The following MYOM1 variants were observed in gnomAD, a reference collection of about 807,000 sequenced individuals.
The protein encoded by MYOM1 is myomesin-1.
In MYOM1, 164 loss-of-function variants were observed where a neutral mutation model predicts 205.3. That is an observed-to-expected ratio of 0.80 (90% CI 0.70 to 0.91). The LOEUF is 0.91. MYOM1 is among the 40% of genes least tolerant of loss of function. The pLI is 0.00. For missense variants in MYOM1, 2,011 were observed against 2,127.3 expected (o/e 0.95, Z 1.08); for synonymous variants, 772 against 789.4 (o/e 0.98, Z 0.37).
chr18:3,193,755 A>G (rs997831152), intron 3 of MYOM1, 63 bp downstream of exon 3: 1 of 1,491,634 alleles, frequency 6.7e-7, no homozygotes, highest in Non-Finnish European at 9.1e-7. Context: ...ATAATCTGCC[A>G]TTCCTATAGC....
At chr18:3,071,971 T>C (rs2078963417) in intron 36 of MYOM1, 82 bp from the exon 37 acceptor site, 2 of 1,240,722 alleles carry the variant, frequency 1.6e-6, no homozygotes, top group East Asian at 2.5e-5. Context: ...GGAAGCTACA[T>C]TTCCAATTTA....
the MYOM1 span, chr18:3,247,340 C>A: frequency 2.0e-5 from 3 of 152,332 alleles, no homozygotes; most frequent in East Asian, 1.9e-4. Flanking sequence ...CAGGCGGAGA[C>A]CCAGACCCCG....
intron 2 of MYOM1, among the ~76,000 whole-genome samples, chr18:3,202,030 A>C (rs551536713): frequency 6.6e-6 from 1 of 152,324 alleles, no homozygotes; most frequent in Non-Finnish European, 1.5e-5. Flanking sequence ...TAGTTGTAAT[A>C]TACTTGACAA....
intron 2 of MYOM1, among the ~76,000 whole-genome samples, chr18:3,211,676 G>A (rs1286309505): frequency 6.6e-6 from 1 of 152,140 alleles, no homozygotes; most frequent in Non-Finnish European, 1.5e-5. Context: ...GGCATTTAGA[G>A]TAAGCCATCC....
the MYOM1 span, among the ~76,000 whole-genome samples, chr18:3,237,131 T>C: frequency 0.14 from 21,779 of 151,944 alleles, 2,321 homozygotes; most frequent in African/African-American, 0.3. Flanking sequence ...AAAGGATCAC[T>C]GAGAAAGAAA....
At chr18:3,072,675 C>A (rs1180764791) in intron 36 of MYOM1, among the ~76,000 whole-genome samples, 1 of 146,414 alleles carries the variant, frequency 6.8e-6, no homozygotes, top group African/African-American at 2.7e-5. Flanking sequence ...TTTAATCCTT[C>A]TTCACCGTCA....
intron 8 of MYOM1, 26 bp from the exon 9 acceptor site, chr18:3,169,007 G>A (rs1439052592): frequency 1.3e-6 from 2 of 1,568,296 alleles, no homozygotes; most frequent in African/African-American, 2.8e-5. Flanking sequence ...ACAAATATCA[G>A]TAATTTTTTT....
chr18:3,107,180 C>T (rs565314820), intron 22 of MYOM1, among the ~76,000 whole-genome samples: 2 of 152,220 alleles, frequency 1.3e-5, no homozygotes, highest in Admixed American at 6.5e-5. Flanking sequence ...TGCAGTGGCA[C>T]GATCTCGGCT....
At chr18:3,173,204 T>C (rs1341488239) in intron 8 of MYOM1, among the ~76,000 whole-genome samples, 1 of 152,254 alleles carries the variant, frequency 6.6e-6, no homozygotes, top group Non-Finnish European at 1.5e-5. Flanking sequence ...ATTCACAAAT[T>C]TGTAAATTAC....
intron 5 of MYOM1, among the ~76,000 whole-genome samples, chr18:3,180,213 T>C (rs925453701): frequency 2.2e-4 from 33 of 152,208 alleles, no homozygotes; most frequent in African/African-American, 7.7e-4. Context: ...TTTCCATTAC[T>C]ACTCAATTTA....
chr18:3,190,097 T>TTGA (rs138151704), intron 3 of MYOM1, among the ~76,000 whole-genome samples: 13,781 of 152,252 alleles, frequency 0.091, 896 homozygotes, highest in African/African-American at 0.19. Context: ...TTATTCATAA[T>TTGA]TGACAATAGT....
At chr18:3,188,461 A>AAAAAACAAAC (rs1555628404) in intron 4 of MYOM1, among the ~76,000 whole-genome samples, 7 of 150,712 alleles carry the variant, frequency 4.6e-5, no homozygotes, top group South Asian at 2.1e-4. Flanking sequence ...TACCAGAAAA[A>AAAAAACAAAC]AAAAAACAAC....
At chr18:3,096,047 C>A (rs554008298) in intron 25 of MYOM1, among the ~76,000 whole-genome samples, 219 of 152,284 alleles carry the variant, frequency 1.4e-3, no homozygotes, top group Non-Finnish European at 2.7e-3. Flanking sequence ...GTCTCCAGCT[C>A]CCTTAATGTT....
chr18:3,135,481 T>C lies in MYOM1; in HGVS notation c.2209+66A>G. 1 of 1,431,950 alleles carries C rather than the reference T, an allele frequency of 7.0e-7. No individual in the cohort carries two copies. The highest frequency in any genetic ancestry group is 9.4e-7 in the Non-Finnish European group (1 of 1,064,266). 88.7% of individuals were successfully genotyped at this position (1,431,950 alleles called of 1,614,324 possible). A position where few individuals can be genotyped will look rare whatever the true frequency, so the allele number is the denominator to read the frequency against. On this transcript the variant is annotated intron_variant, in intron 15 of 37. Transcript: ENST00000356443. The surrounding 1 kb of genome is among the most constrained non-coding windows in gnomAD (Gnocchi z 4.1). ...GTCACCATTTTTACTCCTGGCCAAA[T>C]ATACATATACTAGATCCTTGCTTTG... is the stretch of plus-strand genomic sequence containing the variant.
chr18:3,104,234 T>C (rs2079420960), intron 22 of MYOM1, among the ~76,000 whole-genome samples: 2 of 152,114 alleles, frequency 1.3e-5, no homozygotes, highest in African/African-American at 4.8e-5. Context: ...GTTTAGACTG[T>C]ATTATAATAT....
At chr18:3,139,694 C>A (rs1249631798) in intron 14 of MYOM1, among the ~76,000 whole-genome samples, 1 of 152,174 alleles carries the variant, frequency 6.6e-6, no homozygotes, top group Non-Finnish European at 1.5e-5. Context: ...TCCTCAATAC[C>A]CAACATCCTG....
chr18:3,126,116 T>G (rs893902319), intron 19 of MYOM1, among the ~76,000 whole-genome samples: 2 of 151,938 alleles, frequency 1.3e-5, no homozygotes, highest in Non-Finnish European at 2.9e-5. Flanking sequence ...AATAGAAAAT[T>G]TAGCTGAGCA....
chr18:3,246,116 G>A, the MYOM1 span: 1 of 152,326 alleles, frequency 6.6e-6, no homozygotes, highest in Non-Finnish European at 1.5e-5. Flanking sequence ...TTCAAGCTGA[G>A]GGGAAGACTG....
intron 2 of MYOM1, among the ~76,000 whole-genome samples, chr18:3,198,082 A>C (rs79300842): frequency 3.1e-4 from 43 of 140,112 alleles, no homozygotes; most frequent in Non-Finnish European, 5.8e-4. Context: ...ACAAAAAAAA[A>C]CTCATTAAAC....
Sources: gnomAD v4.1 joint callset for allele counts (sites outside exome capture counted in the v4.1 genomes callset) on GRCh38, gnomAD v4.1.1 for gene constraint, Gnocchi (gnomAD v3.1) non-coding constraint, MANE v1.5 for transcripts, NCBI Gene and HGNC (gene_info 2026-07-23, HGNC 2026-07-21) for gene names.